MAP4: variants seen among roughly 807,000 people sequenced by gnomAD.
MAP4 encodes the protein microtubule-associated protein 4.
A neutral mutation model predicts 170.2 loss-of-function variants in MAP4; 76 were observed. That is an observed-to-expected ratio of 0.45 (90% CI 0.37 to 0.54). The LOEUF (loss-of-function observed/expected upper bound fraction) is 0.54. Among genes scored for constraint, MAP4 ranks in the 20% least tolerant of loss-of-function variants. The pLI, the probability that MAP4 is intolerant of heterozygous loss-of-function variation, is 0.00. For missense variants in MAP4, 2,506 were observed against 2,748.0 expected (o/e 0.91, Z 1.97); for synonymous variants, 909 against 994.5 (o/e 0.91, Z 1.62).
At chr3:48,056,820 C>A (rs1166324955) in intron 1 of MAP4, among the ~76,000 whole-genome samples, 1 of 97,984 alleles carries the variant, frequency 1.0e-5, no homozygotes, top group Non-Finnish European at 2.1e-5. Context: ...CCCGGCCAGC[C>A]GACCCGTCCG....
chr3:47,860,111 TGACA>T (rs1233451988), intron 17 of MAP4, among the ~76,000 whole-genome samples: 2 of 152,206 alleles, frequency 1.3e-5, no homozygotes. Flanking sequence ...CAAGCAATGG[TGACA>T]AGCTCATCTT....
intron 10 of MAP4, chr3:47,892,598 C>G: frequency 7.0e-7 from 1 of 1,425,232 alleles, no homozygotes; most frequent in Non-Finnish European, 9.1e-7. Flanking sequence ...GTATTCATGA[C>G]AAAATTCATC....
In MAP4 at chr3:47,916,327, C is replaced by T. The variant is rs1414989246; in HGVS notation, c.1500G>A (p.Val500=). The change falls in exon 7 of 21, where the codon GTG becomes GTA. Residue 500 remains valine, a synonymous_variant. Transcript: ENST00000683076. ...GTGGAGACATGTCCTTCAACAAGCC[C>T]ACTTCTTTTACTGTGGACGGAGCCA... ...KDVAPSTVKE[V]GLLKDMSPLS... The T allele has an allele frequency of 1.9e-6, 3 of 1,614,112 alleles. No homozygotes were observed. The highest frequency in any genetic ancestry group is 1.7e-6 in the Non-Finnish European group (2 of 1,180,064).
chr3:48,001,914 T>C (rs2100099372), intron 1 of MAP4, among the ~76,000 whole-genome samples: 1 of 152,040 alleles, frequency 6.6e-6, no homozygotes, highest in African/African-American at 2.4e-5. Context: ...TTCACTCTTG[T>C]TGCCCAGGCT....
chr3:47,921,980 C>T, intron 4 of MAP4, 102 bp from the exon 5 acceptor site: 1 of 645,340 alleles, frequency 1.5e-6, no homozygotes, highest in South Asian at 1.9e-5. Context: ...TGGAGTCTTG[C>T]TCTGTTGCCA....
At chr3:47,956,549 G>T (rs2100067930) in intron 3 of MAP4, among the ~76,000 whole-genome samples, 2 of 152,170 alleles carry the variant, frequency 1.3e-5, no homozygotes, top group African/African-American at 4.8e-5. Flanking sequence ...ACTCATTTAT[G>T]AACAATTATT....
rs181568272 is a variant in MAP4, at chr3:47,971,043, G to C, written c.292+6822C>G. Among the ~76,000 whole-genome samples the C allele has an allele frequency of 2.9e-3, 442 of 152,290 alleles. 4 individuals are homozygous for C. The highest frequency in any genetic ancestry group is 1.0e-2 in the African/African-American group (415 of 41,560). On this transcript the variant is annotated intron_variant, in intron 3 of 20. Transcript: ENST00000683076. ...TGTAACATCTTGTATATGGGTATAT[G>C]TGGACTTTTCTGAAGAGAAATTCTG...
chr3:48,031,598 G>A (rs933255301), intron 1 of MAP4, among the ~76,000 whole-genome samples: 1 of 152,054 alleles, frequency 6.6e-6, no homozygotes, highest in African/African-American at 2.4e-5. Context: ...GGTGGTACGT[G>A]CCTGTAGTCC....
intron 1 of MAP4, among the ~76,000 whole-genome samples, chr3:48,059,781 C>T (rs1340542330): frequency 6.6e-6 from 1 of 151,912 alleles, no homozygotes; most frequent in African/African-American, 2.4e-5. Context: ...GAGTTCGAGA[C>T]CACCCTGGGG....
chr3:47,908,895 A>G, intron 9 of MAP4, 143 bp downstream of exon 9: 2 of 858,566 alleles, frequency 2.3e-6, no homozygotes, highest in Non-Finnish European at 3.6e-6. Flanking sequence ...AACACACCGT[A>G]GCAGTTATAG....
intron 10 of MAP4, among the ~76,000 whole-genome samples, chr3:47,880,392 GCCA>G (rs2096499125): frequency 6.7e-6 from 1 of 150,020 alleles, no homozygotes; most frequent in African/African-American, 2.5e-5. Flanking sequence ...ACAGGTGTGA[GCCA>G]CCACACCTGG....
intron 1 of MAP4, among the ~76,000 whole-genome samples, chr3:48,071,319 A>G (rs2100140909): frequency 1.3e-5 from 2 of 151,778 alleles, no homozygotes; most frequent in Admixed American, 6.6e-5. Context: ...AGATGGGCAG[A>G]TCGCTCGAGC....
intron 1 of MAP4, among the ~76,000 whole-genome samples, chr3:48,053,418 T>C (rs1216246800): frequency 6.6e-6 from 1 of 152,218 alleles, no homozygotes; most frequent in African/African-American, 2.4e-5. Context: ...AAGAAAGCCA[T>C]TATTATCTCA....
intron 17 of MAP4, among the ~76,000 whole-genome samples, chr3:47,866,379 A>C (rs536118982): frequency 8.5e-4 from 128 of 150,790 alleles, no homozygotes; most frequent in Non-Finnish European, 9.5e-4. Context: ...AACAAACAAA[A>C]AAACAGGAAA....
chr3:47,869,106 G>C, intron 16 of MAP4, 108 bp downstream of exon 16: 1 of 849,132 alleles, frequency 1.2e-6, no homozygotes, highest in Non-Finnish European at 2.0e-6. Flanking sequence ...AGAAGAAGTA[G>C]AAACTAGTTA....
At chr3:47,919,458 C>T (rs1414784780) in intron 5 of MAP4, among the ~76,000 whole-genome samples, 2 of 152,044 alleles carry the variant, frequency 1.3e-5, no homozygotes, top group Admixed American at 1.3e-4. Flanking sequence ...CAAGCACACA[C>T]CACCACACCT....
chr3:47,874,831 G>GTCCTC (rs1263585001), intron 12 of MAP4, among the ~76,000 whole-genome samples: 2 of 152,210 alleles, frequency 1.3e-5, no homozygotes, highest in African/African-American at 4.8e-5. Flanking sequence ...AGGTTCCACA[G>GTCCTC]TTTTCTTCAC....
In MAP4 at chr3:47,911,393, C is replaced by T. The variant is rs2100035889; in HGVS notation, c.3028G>A (p.Ala1010Thr). 1 of 1,536,018 alleles carries T rather than the reference C, an allele frequency of 6.5e-7. No individual in the cohort carries two copies. Among genetic ancestry groups the T allele is most frequent in the African/African-American group, 1.4e-5 (1 of 73,042 alleles). ...NVKLKEFPEG[A>T]EEDKELKKEA... The stretch of plus-strand genomic sequence containing the variant: ...TTTTTTAGTTCTTTATCCTCTTCAG[C>T]TCCTTCAGGAAACTCCTTCAGTTTG... The change falls in exon 9 of 21, where the codon GCT becomes ACT. Residue 1010 changes from alanine (A) to threonine (T), a missense_variant. By Grantham distance (58) the Ala-to-Thr change is moderately conservative. Transcript: ENST00000683076. The surrounding 1 kb of genome is among the most constrained non-coding windows in gnomAD (Gnocchi z 4.0).
At chr3:47,902,293 G>C (rs1299405969) in intron 10 of MAP4, among the ~76,000 whole-genome samples, 1 of 152,082 alleles carries the variant, frequency 6.6e-6, no homozygotes, top group African/African-American at 2.4e-5. Flanking sequence ...GTTTAGGATG[G>C]CAATGAGTAT....
Sources: gnomAD v4.1 joint callset for allele counts (sites outside exome capture counted in the v4.1 genomes callset) on GRCh38, gnomAD v4.1.1 for gene constraint, Gnocchi (gnomAD v3.1) non-coding constraint, MANE v1.5 for transcripts, NCBI Gene and HGNC (gene_info 2026-07-23, HGNC 2026-07-21) for gene names.